SMC5: variants seen among roughly 807,000 people sequenced by gnomAD.
SMC5 encodes structural maintenance of chromosomes 5.
Under a neutral mutation model 148.3 loss-of-function variants are expected in SMC5, and 88 were observed. That is an observed-to-expected ratio of 0.59 (90% confidence interval 0.50 to 0.71). The LOEUF is 0.71. SMC5 is among the 30% of genes least tolerant of loss of function. The pLI is 0.00. For missense variants in SMC5, 1,142 were observed against 1,298.9 expected, an observed-to-expected ratio of 0.88 and a Z score of 1.86; for synonymous variants, 421 against 432.8, an observed-to-expected ratio of 0.97 and a Z score of 0.34.
intron 9 of SMC5, among the ~76,000 whole-genome samples, chr9:70,298,458 T>C (rs1234844938): frequency 6.6e-6 from 1 of 152,178 alleles, no homozygotes; most frequent in Non-Finnish European, 1.5e-5. Flanking sequence ...TTAATAATTC[T>C]CTATAAATGC....
intron 2 of SMC5, among the ~76,000 whole-genome samples, chr9:70,265,912 CA>C (rs2034277832): frequency 6.6e-6 from 1 of 152,108 alleles, no homozygotes; most frequent in Non-Finnish European, 1.5e-5. Context: ...TATCCATAAT[CA>C]TACTGGGAGA....
At chr9:70,275,490 C>G (rs770354937) in intron 3 of SMC5, among the ~76,000 whole-genome samples, 1 of 152,196 alleles carries the variant, frequency 6.6e-6, no homozygotes, top group Non-Finnish European at 1.5e-5. Context: ...CGTGAGCCAC[C>G]ACATCTGGCC....
At chr9:70,321,394 CTT>C (rs11390673) in intron 15 of SMC5, among the ~76,000 whole-genome samples, 25 of 135,818 alleles carry the variant, frequency 1.8e-4, no homozygotes, top group Admixed American at 3.1e-4. Flanking sequence ...TGTCAAATGT[CTT>C]TTTTTTTTTT....
At chr9:70,344,071 T>C in intron 17 of SMC5, 73 bp from the exon 18 acceptor site, 2 of 828,976 alleles carry the variant, frequency 2.4e-6, no homozygotes, top group Non-Finnish European at 3.4e-6. Context: ...ATATTTAATA[T>C]GTGGTAGTTT....
chr9:70,261,454 C>T (rs1453359794), intron 1 of SMC5, among the ~76,000 whole-genome samples: 2 of 152,134 alleles, frequency 1.3e-5, no homozygotes, highest in Non-Finnish European at 2.9e-5. Flanking sequence ...AGCATTTTTC[C>T]CAAGTGTAAG....
At chr9:70,351,445 G>C (rs190126080) in intron 24 of SMC5, among the ~76,000 whole-genome samples, 2 of 151,316 alleles carry the variant, frequency 1.3e-5, no homozygotes, top group Admixed American at 1.3e-4. Flanking sequence ...AGATAGTCTT[G>C]TGGAATAGTC....
chr9:70,297,940 G>C (rs2035245169), intron 8 of SMC5, 26 bp from the exon 9 acceptor site: 1 of 1,601,974 alleles, frequency 6.2e-7, no homozygotes, highest in African/African-American at 1.3e-5. Context: ...ACAGTCTCAA[G>C]TACTAACCTA....
chr9:70,280,954 T>G, intron 6 of SMC5, 55 bp downstream of exon 6: 1 of 1,591,730 alleles, frequency 6.3e-7, no homozygotes, highest in Non-Finnish European at 8.6e-7. Flanking sequence ...GCAGAGTAAT[T>G]ATGATGAAAG....
intron 11 of SMC5, among the ~76,000 whole-genome samples, chr9:70,309,317 C>CTTTT (rs1564050219): frequency 1.7e-4 from 8 of 47,330 alleles, no homozygotes; most frequent in Admixed American, 4.0e-4. Flanking sequence ...TTTTCCTTTT[C>CTTTT]CTTTTTTTTT....
At chr9:70,309,110 A>G (rs1218806445) in intron 11 of SMC5, among the ~76,000 whole-genome samples, 7 of 152,116 alleles carry the variant, frequency 4.6e-5, no homozygotes, top group African/African-American at 1.7e-4. Context: ...AGTGAGTTCA[A>G]TCTTGTTGGT....
intron 11 of SMC5, among the ~76,000 whole-genome samples, chr9:70,308,451 G>A (rs2035564420): frequency 6.6e-6 from 1 of 151,646 alleles, no homozygotes; most frequent in African/African-American, 2.4e-5. Flanking sequence ...AAATTAGCCG[G>A]GCGTGGTGGC....
rs1477531907 is a variant in SMC5, at chr9:70,352,347, G to A, written c.*16G>A. On this transcript the variant is annotated 3_prime_UTR_variant, in exon 25 of 25. Transcript: ENST00000361138. ...ACCTTCTTAATAAAAGTAAAGAGAG[G>A]GAACTTGGGAATTTTTTTTGTTAAA... 1 of 1,568,120 alleles carries A rather than the reference G, an allele frequency of 6.4e-7. No homozygotes were observed.
At chr9:70,316,091 G>A (rs2035793692) in intron 13 of SMC5, among the ~76,000 whole-genome samples, 2 of 152,112 alleles carry the variant, frequency 1.3e-5, no homozygotes, top group Non-Finnish European at 2.9e-5. Context: ...AGTACATACA[G>A]CCAAAGAAAC....
At chr9:70,266,963 A>G (rs1462775966) in intron 2 of SMC5, among the ~76,000 whole-genome samples, 2 of 151,762 alleles carry the variant, frequency 1.3e-5, no homozygotes, top group Admixed American at 6.6e-5. Flanking sequence ...TGAGATTTGA[A>G]CCTAGATAGT....
chr9:70,321,505 G>A (rs1216044602), intron 15 of SMC5, among the ~76,000 whole-genome samples: 4 of 149,770 alleles, frequency 2.7e-5, no homozygotes, highest in Middle Eastern at 3.2e-3. Context: ...CAATCCTCAC[G>A]CCTCAGCCTC....
At chr9:70,319,343 TAAAC>T (rs1243152098) in intron 15 of SMC5, among the ~76,000 whole-genome samples, 22 of 152,190 alleles carry the variant, frequency 1.4e-4, no homozygotes, top group Non-Finnish European at 3.1e-4. Flanking sequence ...ATTTTAAAAA[TAAAC>T]CCATTATGTG....
At chr9:70,261,684 A>G (rs1389105125) in intron 1 of SMC5, among the ~76,000 whole-genome samples, 2 of 152,188 alleles carry the variant, frequency 1.3e-5, no homozygotes, top group East Asian at 3.9e-4. Flanking sequence ...AGAACTGGTT[A>G]TGATTGCCCA....
At chr9:70,345,350 A>G (rs1303568158) in intron 18 of SMC5, among the ~76,000 whole-genome samples, 1 of 152,136 alleles carries the variant, frequency 6.6e-6, no homozygotes, top group African/African-American at 2.4e-5. Flanking sequence ...CTAGTCTGGA[A>G]GATTGGGTAG....
intron 8 of SMC5, among the ~76,000 whole-genome samples, chr9:70,288,908 G>T (rs1350765942): frequency 6.6e-6 from 1 of 152,058 alleles, no homozygotes; most frequent in Non-Finnish European, 1.5e-5. Flanking sequence ...AAAAGAATGT[G>T]CATTCTGTCT....
Sources: allele counts gnomAD v4.1 joint callset (sites outside exome capture counted in the v4.1 genomes callset), GRCh38; gene constraint gnomAD v4.1.1; transcripts MANE v1.5; gene names NCBI Gene and HGNC (gene_info 2026-07-23, HGNC 2026-07-21).